NELL1: variants seen among roughly 807,000 people sequenced by gnomAD.
NELL1 encodes neural EGFL like 1.
NELL1 carries 76 observed loss-of-function variants against 107.4 expected under a neutral mutation model. That is an observed-to-expected ratio of 0.71 (90% confidence interval 0.59 to 0.86). The LOEUF (loss-of-function observed/expected upper bound fraction) is 0.86, where lower values mean the gene tolerates loss of function less well. Ranked by LOEUF, NELL1 falls within the 40% of genes least tolerant of loss-of-function variation. The probability of loss-of-function intolerance (pLI) is 0.00; values close to 1 mark genes in which losing one functional copy is unlikely to be tolerated. For missense variants in NELL1, 1,024 were observed against 1,005.5 expected, an observed-to-expected ratio of 1.02 and a Z score of -0.25; for synonymous variants, 353 against 341.2, an observed-to-expected ratio of 1.03 and a Z score of -0.38.
chr11:21,430,492 T>G (rs934888731), intron 15 of NELL1, among the ~76,000 whole-genome samples: 8 of 152,198 alleles, frequency 5.3e-5, no homozygotes, highest in African/African-American at 1.9e-4. Flanking sequence ...ATCTTTAATT[T>G]GTTAGTTTAG....
chr11:21,475,453 T>C (rs1341740537), intron 15 of NELL1, among the ~76,000 whole-genome samples: 1 of 152,174 alleles, frequency 6.6e-6, no homozygotes, highest in Admixed American at 6.6e-5. Flanking sequence ...TAGTGCCCCC[T>C]GTAGGCATCA....
At chr11:21,304,987 A>G (rs1322439425) in intron 14 of NELL1, among the ~76,000 whole-genome samples, 1 of 152,016 alleles carries the variant, frequency 6.6e-6, no homozygotes, top group African/African-American at 2.4e-5. Flanking sequence ...GGGAAACAAT[A>G]AAAGAAGATG....
intron 12 of NELL1, among the ~76,000 whole-genome samples, chr11:20,960,834 A>G (rs1410620427): frequency 1.3e-5 from 2 of 152,196 alleles, no homozygotes; most frequent in East Asian, 1.9e-4. Context: ...TGCTGTGCAC[A>G]TAACAATCAC....
chr11:21,530,967 C>G (rs1436185979), intron 15 of NELL1, among the ~76,000 whole-genome samples: 53 of 151,998 alleles, frequency 3.5e-4, no homozygotes, highest in Admixed American at 3.5e-3. Flanking sequence ...CCAGGTATCC[C>G]TAGCAAGGTA....
chr11:21,495,855 C>G (rs1854963487), intron 15 of NELL1, among the ~76,000 whole-genome samples: 1 of 151,934 alleles, frequency 6.6e-6, no homozygotes, highest in South Asian at 2.1e-4. Context: ...AACGGGTTGT[C>G]TCTTTTCTTG....
At chr11:21,091,270 T>A (rs368843363) in intron 12 of NELL1, among the ~76,000 whole-genome samples, 1 of 152,188 alleles carries the variant, frequency 6.6e-6, no homozygotes, top group Admixed American at 6.6e-5. Context: ...GAACATTTTT[T>A]GAGCATTATA....
rs142020021 is a variant in NELL1 at position 20,959,714 on chromosome 11, G to C, written c.1172-718G>C. Among the ~76,000 whole-genome samples, 711 of 152,294 alleles carry C rather than the reference G, an allele frequency of 4.7e-3. 5 individuals are homozygous for C. Among genetic ancestry groups the C allele is most frequent in the Non-Finnish European group, 7.3e-3 (497 of 68,018 alleles). ...GATAAAAGACTACAAATTGGATGCA[G>C]AGTATACTACTTGGGTGATATGTGC... On this transcript the variant is annotated intron_variant, in intron 11 of 19. Transcript: ENST00000357134.
chr11:21,469,591 G>GC (rs1854122487), intron 15 of NELL1, among the ~76,000 whole-genome samples: 1 of 151,850 alleles, frequency 6.6e-6, no homozygotes, highest in Non-Finnish European at 1.5e-5. Context: ...TCCTTCACTT[G>GC]CATTTAATTA....
At chr11:21,472,329 C>T (rs567114828) in intron 15 of NELL1, among the ~76,000 whole-genome samples, 34 of 152,064 alleles carry the variant, frequency 2.2e-4, no homozygotes, top group African/African-American at 6.7e-4. Context: ...TCCAGATACC[C>T]GAGATGCTGT....
intron 13 of NELL1, among the ~76,000 whole-genome samples, chr11:21,129,047 A>G (rs1177743848): frequency 1.3e-5 from 2 of 152,130 alleles, no homozygotes; most frequent in Non-Finnish European, 1.5e-5. Context: ...GATTTATTTT[A>G]TTTTGACTAT....
At chr11:20,774,044 G>GTCCCC (rs1176918083) in intron 2 of NELL1, among the ~76,000 whole-genome samples, 1 of 33,106 alleles carries the variant, frequency 3.0e-5, no homozygotes, top group Non-Finnish European at 5.4e-5. Context: ...CTCCCCTCCT[G>GTCCCC]TCCCCTCCCC....
intron 15 of NELL1, among the ~76,000 whole-genome samples, chr11:21,506,376 G>A (rs997004326): frequency 1.8e-4 from 28 of 152,170 alleles, no homozygotes; most frequent in African/African-American, 2.4e-4. Context: ...ATTCATGGTT[G>A]TAATGATGTG....
chr11:21,042,107 G>T (rs4923287), intron 12 of NELL1, among the ~76,000 whole-genome samples: 143,552 of 152,298 alleles, frequency 0.94, 68,213 homozygotes, highest in East Asian at 1. Flanking sequence ...CTACTTTTAC[G>T]TTTTTTCTCA....
chr11:20,684,389 C>T (rs1854258732), intron 2 of NELL1, among the ~76,000 whole-genome samples: 1 of 152,040 alleles, frequency 6.6e-6, no homozygotes, highest in Non-Finnish European at 1.5e-5. Flanking sequence ...TATTATCTGT[C>T]ATTACTATCA....
chr11:21,415,266 G>T (rs1443246185), intron 15 of NELL1, among the ~76,000 whole-genome samples: 2 of 152,112 alleles, frequency 1.3e-5, no homozygotes, highest in Non-Finnish European at 2.9e-5. Context: ...CTGGGTAACT[G>T]TGCCTTTGCT....
Position 20,770,237 on chromosome 11 carries a change from C to G in NELL1, c.185-13443C>G, listed in dbSNP as rs540228183. Among the ~76,000 whole-genome samples, 8 of 152,274 alleles carry G rather than the reference C, an allele frequency of 5.3e-5. No homozygotes were observed. The East Asian group carries it at 1.4e-3, about 26-fold the overall frequency. ...GAAAGATCCTGCAGCCAGATAGCAA[C>G]AGGCCGTGAGCTCAAGGAGCAAGTG... On this transcript the variant is annotated intron_variant, in intron 2 of 19. Coordinates refer to ENST00000357134, the MANE Select transcript of NELL1 (RefSeq NM_006157.5).
At chr11:21,467,173 G>T (rs560190444) in intron 15 of NELL1, among the ~76,000 whole-genome samples, 1 of 152,028 alleles carries the variant, frequency 6.6e-6, no homozygotes, top group Non-Finnish European at 1.5e-5. Flanking sequence ...AGGCAGCCTG[G>T]CTTTGAATTG....
chr11:21,382,748 A>G (rs542429210), intron 15 of NELL1, among the ~76,000 whole-genome samples: 34 of 152,090 alleles, frequency 2.2e-4, no homozygotes, highest in African/African-American at 7.2e-4. Flanking sequence ...AAAAGCTGTT[A>G]GAGATTACCT....
At chr11:20,902,120 GAC>G (rs1209991873) in intron 5 of NELL1, among the ~76,000 whole-genome samples, 2 of 151,756 alleles carry the variant, frequency 1.3e-5, no homozygotes, top group Non-Finnish European at 2.9e-5. Flanking sequence ...GAAGTTCTTA[GAC>G]AAGATAAAAA....
Sources: allele counts gnomAD v4.1 joint callset (sites outside exome capture counted in the v4.1 genomes callset), GRCh38; gene constraint gnomAD v4.1.1; transcripts MANE v1.5; gene names NCBI Gene and HGNC (gene_info 2026-07-23, HGNC 2026-07-21).